Variants in WDPCP observed in about 807,000 individuals in gnomAD.
WDPCP encodes the protein WD repeat containing planar cell polarity effector.
In WDPCP, 71 loss-of-function variants were observed where a neutral mutation model predicts 93.1. The observed-to-expected ratio is 0.76, with a 90% CI of 0.63 to 0.93. The LOEUF (loss-of-function observed/expected upper bound fraction) is 0.93, where lower values mean the gene tolerates loss of function less well. Ranked by LOEUF, WDPCP falls within the 40% of genes least tolerant of loss-of-function variation. WDPCP has a pLI of 0.00. For missense variants in WDPCP, 844 were observed against 887.4 expected, an observed-to-expected ratio of 0.95 and a Z score of 0.62; for synonymous variants, 315 against 315.0, an observed-to-expected ratio of 1.00 and a Z score of 0.00.
chr2:63,380,391 T>C (rs181875548), intron 11 of WDPCP, among the ~76,000 whole-genome samples: 140 of 152,226 alleles, frequency 9.2e-4, no homozygotes, highest in Non-Finnish European at 1.7e-3. Context: ...CTAATACTCA[T>C]TGAGTACCGA....
chr2:63,141,113 T>C (rs990307453), intron 17 of WDPCP, among the ~76,000 whole-genome samples: 11 of 151,926 alleles, frequency 7.2e-5, no homozygotes, highest in Admixed American at 7.2e-4. Context: ...AGAGTCTCAC[T>C]CTGTTGCCCA....
chr2:63,575,469 A>ACTGTATATACACT (rs760952950), intron 1 of WDPCP, among the ~76,000 whole-genome samples: 11 of 16,314 alleles, frequency 6.7e-4, no homozygotes, highest in Admixed American at 7.5e-4. Context: ...GTATATATGC[A>ACTGTATATACACT]GTATATACAG....
intron 1 of WDPCP, among the ~76,000 whole-genome samples, chr2:63,542,099 T>C (rs1244834881): frequency 6.6e-6 from 1 of 152,170 alleles, no homozygotes; most frequent in African/African-American, 2.4e-5. Flanking sequence ...TAGCAATATC[T>C]TGGACGGGGT....
At chr2:63,777,619 A>G (rs1267409002) in intron 2 of WDPCP, among the ~76,000 whole-genome samples, 1 of 152,238 alleles carries the variant, frequency 6.6e-6, no homozygotes, top group Non-Finnish European at 1.5e-5. Context: ...ATGCAACAAT[A>G]TGAATGAATC....
At chr2:63,429,984 C>CACACAA (rs1696614938) in intron 9 of WDPCP, among the ~76,000 whole-genome samples, 2 of 81,438 alleles carry the variant, frequency 2.5e-5, no homozygotes, top group Non-Finnish European at 2.6e-5. Context: ...TATACACACA[C>CACACAA]ACACACACAC....
intron 2 of WDPCP, among the ~76,000 whole-genome samples, chr2:63,715,202 T>TGG (rs1474578718): frequency 2.6e-5 from 4 of 152,234 alleles, no homozygotes; most frequent in Non-Finnish European, 5.9e-5. Flanking sequence ...TGGAATTTGA[T>TGG]ATAGATGGTA....
intron 2 of WDPCP, among the ~76,000 whole-genome samples, chr2:63,805,164 G>A (rs1188336395): frequency 1.3e-5 from 2 of 152,134 alleles, no homozygotes; most frequent in Non-Finnish European, 2.9e-5. Context: ...AAGCGTCAGG[G>A]ACAATTTACA....
chr2:63,778,377 T>G (rs1670336474), intron 2 of WDPCP, among the ~76,000 whole-genome samples: 1 of 152,068 alleles, frequency 6.6e-6, no homozygotes. Flanking sequence ...CTGGCTAATT[T>G]TTTGTATTTT....
intron 1 of WDPCP, among the ~76,000 whole-genome samples, chr2:63,533,808 G>A (rs189405880): frequency 6.6e-6 from 1 of 152,156 alleles, no homozygotes; most frequent in East Asian, 1.9e-4. Context: ...AACTAGAGAA[G>A]CAAGAGCAAA....
chr2:63,350,932 A>T (rs1375239810), intron 12 of WDPCP, among the ~76,000 whole-genome samples: 1 of 151,592 alleles, frequency 6.6e-6, no homozygotes, highest in Non-Finnish European at 1.5e-5. Context: ...AACAATGAAA[A>T]TTTCTAAATA....
intron 6 of WDPCP, 183 bp from the exon 7 acceptor site, chr2:63,440,054 G>A: frequency 8.6e-6 from 5 of 578,476 alleles, no homozygotes; most frequent in South Asian, 4.4e-5. Context: ...AGAGAAAGGT[G>A]GCTAAAGGAT....
At chr2:63,335,449 G>T (rs1356032144) in intron 12 of WDPCP, among the ~76,000 whole-genome samples, 4 of 149,860 alleles carry the variant, frequency 2.7e-5, no homozygotes, top group Non-Finnish European at 5.9e-5. Context: ...TTGAGACAGG[G>T]TGTAGGCTCT....
In WDPCP at chr2:63,537,379, C is replaced by T. The variant is rs979621708; in HGVS notation, c.76-44439G>A. On this transcript the variant is annotated intron_variant, in intron 1 of 17. Transcript: ENST00000272321. ...CTAATTTGACTCTTTCGAATCCATT[C>T]TCCACATTGTTGCCAGGGCAATTTT... Among the ~76,000 whole-genome samples the T allele has an allele frequency of 4.8e-4, 73 of 152,186 alleles. 1 individual carries two copies. The highest frequency in any genetic ancestry group is 7.9e-4 in the Non-Finnish European group (54 of 68,034).
intron 6 of WDPCP, chr2:63,443,287 A>G (rs1411523020): frequency 1.3e-5 from 2 of 152,214 alleles, no homozygotes; most frequent in African/African-American, 4.8e-5. Context: ...AATGTACAAT[A>G]GCAATAAGAA....
chr2:63,827,358 T>C (rs543892024), intron 1 of WDPCP, among the ~76,000 whole-genome samples: 124 of 152,274 alleles, frequency 8.1e-4, no homozygotes, highest in African/African-American at 3.0e-3. Flanking sequence ...AAAGATGTAA[T>C]ATTACTATGA....
chr2:63,532,134 A>C lies in WDPCP; in HGVS notation c.76-39194T>G, dbSNP rs903887788. 2.6e-5 allele frequency among the ~76,000 whole-genome samples: 4 copies of C among 152,200 alleles called. No individual in the cohort carries two copies. In the East Asian group the frequency reaches 7.7e-4, roughly 29 times the overall value. ...TCAGGGACTGAAGATCAAATGAATG[A>C]AATGAAGCGAGAAGAGAAGTTGAGA... On this transcript the variant is annotated intron_variant, in intron 1 of 17. Coordinates refer to ENST00000272321, the MANE Select transcript of WDPCP (RefSeq NM_015910.7).
intron 17 of WDPCP, among the ~76,000 whole-genome samples, chr2:63,145,028 T>G (rs748511984): frequency 3.3e-5 from 5 of 152,308 alleles, no homozygotes; most frequent in Non-Finnish European, 5.9e-5. Context: ...TTGTTTCTCT[T>G]CTGGGTCTAG....
rs183310383 is a variant in WDPCP at position 63,461,481 on chromosome 2, C to T, written c.385-21610G>A. ...AAGCCAAGCAGATGCCAGCAACATG[C>T]TTCTTGTACAGCCTGCATAACCACG... On this transcript the variant is annotated intron_variant, in intron 6 of 17. Transcript: ENST00000272321. Among the ~76,000 whole-genome samples, 950 of 152,266 alleles carry T rather than the reference C, an allele frequency of 6.2e-3. 13 individuals carry two copies. The highest frequency in any genetic ancestry group is 0.022 in the African/African-American group (899 of 41,524).
chr2:63,407,549 C>T (rs185602741), intron 9 of WDPCP, among the ~76,000 whole-genome samples: 218 of 152,276 alleles, frequency 1.4e-3, no homozygotes, highest in African/African-American at 4.8e-3. Flanking sequence ...TCTATAACTT[C>T]ATTCATGTTT....
Sources: gnomAD v4.1 joint callset for allele counts (sites outside exome capture counted in the v4.1 genomes callset) on GRCh38, gnomAD v4.1.1 for gene constraint, MANE v1.5 for transcripts, NCBI Gene and HGNC (gene_info 2026-07-23, HGNC 2026-07-21) for gene names.